Variants in PAMR1 observed in about 807,000 individuals in gnomAD.
PAMR1 encodes peptidase domain containing associated with muscle regeneration 1, also known as inactive serine protease PAMR1.
PAMR1 carries 88 observed loss-of-function variants against 81.8 expected under a neutral mutation model. The observed-to-expected ratio is 1.08, with a 90% CI of 0.91 to 1.28. The LOEUF (loss-of-function observed/expected upper bound fraction) is 1.28. Among genes scored for constraint, PAMR1 ranks in the 50% most tolerant of loss-of-function variants. PAMR1 has a pLI of 0.00. For synonymous variants in PAMR1, 336 were observed against 345.3 expected, an observed-to-expected ratio of 0.97 and a Z score of 0.30; for missense variants, 935 against 919.7, an observed-to-expected ratio of 1.02 and a Z score of -0.21.
intron 1 of PAMR1, among the ~76,000 whole-genome samples, chr11:35,519,918 G>A (rs562605735): frequency 1.3e-5 from 2 of 152,244 alleles, no homozygotes; most frequent in African/African-American, 2.4e-5. Context: ...TCAAAAACAT[G>A]GATATCCAGC....
At chr11:35,446,049 G>T (rs534729582) in intron 6 of PAMR1, among the ~76,000 whole-genome samples, 27 of 152,184 alleles carry the variant, frequency 1.8e-4, no homozygotes, top group African/African-American at 6.3e-4. Context: ...ATTCTTCCTG[G>T]TTCAGTCCTG....
chr11:35,504,925 A>C (rs1850923267), intron 1 of PAMR1, among the ~76,000 whole-genome samples: 1 of 150,994 alleles, frequency 6.6e-6, no homozygotes, highest in African/African-American at 2.4e-5. Context: ...TTGTTGTTCT[A>C]GTTCCCTGAG....
chr11:35,458,103 G>A (rs1384620115), intron 6 of PAMR1, among the ~76,000 whole-genome samples: 1 of 152,070 alleles, frequency 6.6e-6, no homozygotes, highest in African/African-American at 2.4e-5. Context: ...TTCAGGAAAG[G>A]GAGAATGATC....
intron 1 of PAMR1, among the ~76,000 whole-genome samples, chr11:35,501,212 C>T (rs533986932): frequency 2.5e-4 from 37 of 150,992 alleles, no homozygotes; most frequent in South Asian, 4.2e-4. Flanking sequence ...CTCAATGCAA[C>T]CTCTGTTTCC....
chr11:35,485,422 G>C (rs1398779770), intron 3 of PAMR1, among the ~76,000 whole-genome samples: 1 of 152,136 alleles, frequency 6.6e-6, no homozygotes, highest in Non-Finnish European at 1.5e-5. Flanking sequence ...AAGGTAGAAA[G>C]AACAGCTCTT....
chr11:35,456,488 T>C (rs931082247), intron 6 of PAMR1, among the ~76,000 whole-genome samples: 30 of 152,200 alleles, frequency 2.0e-4, no homozygotes, highest in Non-Finnish European at 2.1e-4. Context: ...AGAATAATCA[T>C]TGGAGATTTG....
At chr11:35,521,365 T>C (rs1189846595) in intron 1 of PAMR1, among the ~76,000 whole-genome samples, 1 of 152,174 alleles carries the variant, frequency 6.6e-6, no homozygotes, top group Non-Finnish European at 1.5e-5. Context: ...ACCTTCTCCC[T>C]CTCATTCCCC....
chr11:35,477,413 C>G (rs1850303285), intron 3 of PAMR1, among the ~76,000 whole-genome samples: 1 of 152,170 alleles, frequency 6.6e-6, no homozygotes, highest in Non-Finnish European at 1.5e-5. Context: ...AAGTGATTTC[C>G]CTAAACTCAG....
At chr11:35,521,772 G>A (rs1851283878) in intron 1 of PAMR1, among the ~76,000 whole-genome samples, 1 of 152,172 alleles carries the variant, frequency 6.6e-6, no homozygotes. Flanking sequence ...ATGTCCTCCA[G>A]GTAACGGAGG....
At chr11:35,521,297 C>T (rs535195645) in intron 1 of PAMR1, among the ~76,000 whole-genome samples, 1 of 152,262 alleles carries the variant, frequency 6.6e-6, no homozygotes, top group South Asian at 2.1e-4. Context: ...TCCTGTTGGC[C>T]AATTAGTCCT....
intron 6 of PAMR1, among the ~76,000 whole-genome samples, chr11:35,467,053 C>T (rs1856770517): frequency 6.6e-6 from 1 of 152,158 alleles, no homozygotes; most frequent in African/African-American, 2.4e-5. Flanking sequence ...GGTTTATGTC[C>T]TCCAGTTCCC....
At chr11:35,500,161 C>A (rs551586488) in intron 1 of PAMR1, among the ~76,000 whole-genome samples, 2 of 152,096 alleles carry the variant, frequency 1.3e-5, no homozygotes, top group African/African-American at 4.8e-5. Flanking sequence ...CTGACCTTCA[C>A]GGCTGGAAGG....
chr11:35,438,216 C>T (rs899992410), intron 8 of PAMR1, among the ~76,000 whole-genome samples: 1 of 152,178 alleles, frequency 6.6e-6, no homozygotes, highest in African/African-American at 2.4e-5. Flanking sequence ...GGACAAGTTA[C>T]TTAACTTCTC....
rs1003794344 is a variant in PAMR1, at chr11:35,432,335, C to T, written c.*21G>A. 16 of 1,595,556 alleles carry T rather than the reference C, an allele frequency of 1.0e-5. No individual in the cohort carries two copies. Among genetic ancestry groups the T allele is most frequent in the African/African-American group, 2.7e-5 (2 of 74,874 alleles). On this transcript the variant is annotated 3_prime_UTR_variant, in exon 11 of 11. Coordinates refer to ENST00000619888, the MANE Select transcript of PAMR1 (RefSeq NM_001001991.3). ...CAGACGGATATACAGAAACACTTCT[C>T]AAGGAGTGCATGAGCATGGTTCATT...
chr11:35,461,565 C>A (rs1184572284), intron 6 of PAMR1, among the ~76,000 whole-genome samples: 2 of 151,914 alleles, frequency 1.3e-5, no homozygotes, highest in Admixed American at 6.6e-5. Flanking sequence ...CCAAGCTCAT[C>A]TCACAAGGAT....
rs375546092 is a variant in PAMR1, at chr11:35,434,637, C to T, written c.1501G>A (p.Val501Met). 2.5e-6 allele frequency: 4 copies of T among 1,614,014 alleles called. No homozygotes were observed. The African/African-American group carries it at 5.3e-5, about 22-fold the overall frequency. The change falls in exon 10 of 11, where the codon GTG (valine) becomes ATG (methionine). Residue 501 changes from valine (V) to methionine (M), a missense_variant. Val to Met is a conservative substitution (Grantham distance 21). Transcript: ENST00000619888. The part of the protein sequence containing the change: ...GALVNERTVV[V>M]AAHCVTDLGK... ...AGGTCAGTAACACAGTGGGCAGCCA[C>T]CACCACAGTGCGCTCATTCACCAGG...
intron 3 of PAMR1, among the ~76,000 whole-genome samples, chr11:35,479,721 C>T (rs927809820): frequency 3.3e-5 from 5 of 152,154 alleles, no homozygotes; most frequent in Admixed American, 1.3e-4. Flanking sequence ...GAGATGGTTT[C>T]GTGGAGAGGA....
At chr11:35,495,621 C>T (rs1246744552) in intron 1 of PAMR1, among the ~76,000 whole-genome samples, 1 of 152,130 alleles carries the variant, frequency 6.6e-6, no homozygotes, top group Non-Finnish European at 1.5e-5. Flanking sequence ...CCCACAAAAC[C>T]TTCCCAAGAA....
chr11:35,432,762 T>A lies in PAMR1; in HGVS notation c.1757A>T (p.Asp586Val). The A allele has an allele frequency of 6.2e-7, 1 of 1,613,692 alleles. No homozygotes were observed. Among genetic ancestry groups the A allele is most frequent in the Non-Finnish European group, 8.5e-7 (1 of 1,180,024 alleles). ...GGACTCCTGGAAGGAAGTGCTGAGATCCCGACTGGCAGCGAGGCAGATGGG... is the reference window on the plus strand; with the variant it reads ...GGACTCCTGGAAGGAAGTGCTGAGAACCCGACTGGCAGCGAGGCAGATGGG... ...VQPICLAASR[D>V]LSTSFQESHI... The change falls in exon 11 of 11, where the codon GAT becomes GTT. Residue 586 changes from aspartate (D) to valine (V), a missense_variant. By Grantham distance (152) the Asp-to-Val change is radical. Transcript: ENST00000619888.
Sources: gnomAD v4.1 joint callset for allele counts (sites outside exome capture counted in the v4.1 genomes callset) on GRCh38, gnomAD v4.1.1 for gene constraint, MANE v1.5 for transcripts, NCBI Gene and HGNC (gene_info 2026-07-23, HGNC 2026-07-21) for gene names.